KIAA1671: variants seen among roughly 807,000 people sequenced by gnomAD.
KIAA1671 encodes KIAA1671.
KIAA1671 carries 52 observed loss-of-function variants against 131.2 expected under a neutral mutation model. The ratio of observed to expected loss-of-function variants is 0.40; its 90% CI spans 0.32 to 0.50. KIAA1671 has a LOEUF of 0.50. Among genes scored for constraint, KIAA1671 ranks in the 20% least tolerant of loss-of-function variants. The pLI, the probability that KIAA1671 is intolerant of heterozygous loss-of-function variation, is 0.73. For synonymous variants in KIAA1671, 1,003 were observed against 961.6 expected (o/e 1.04, Z -0.80); for missense variants, 2,360 against 2,364.2 (o/e 1.00, Z 0.04).
intron 1 of KIAA1671, among the ~76,000 whole-genome samples, chr22:24,965,108 A>C (rs1023749033): frequency 6.6e-5 from 10 of 151,878 alleles, no homozygotes; most frequent in African/African-American, 1.7e-4. Flanking sequence ...TCTTAAAAAA[A>C]AAAAAAAAAA....
chr22:25,093,842 C>G (rs867857984), intron 6 of KIAA1671, among the ~76,000 whole-genome samples: 78 of 64,106 alleles, frequency 1.2e-3, no homozygotes, highest in South Asian at 0.011. Flanking sequence ...CTGTCTGTCT[C>G]TCTCTCTCTC....
In KIAA1671 at chr22:25,040,548, C is replaced by A. The variant is rs1926858770; in HGVS notation, c.3418C>A (p.Pro1140Thr). Residue 1140 changes from proline (P) to threonine (T), a missense_variant, in exon 5 of 13, where the codon CCT (proline) becomes ACT (threonine). Coordinates refer to ENST00000358431, the MANE Select transcript of KIAA1671 (RefSeq NM_001145206.2). ...GAGTCATCGGGGATCAGAAGATGGC[C>A]CTCGTCCTCAAAGCAATTGGAAGGA... is the stretch of plus-strand genomic sequence containing the variant. Reference protein sequence around the residue: ...LWSHRGSEDGPRPQSNWKESA... With the variant: ...LWSHRGSEDGTRPQSNWKESA... 1 of 1,551,580 alleles carries A rather than the reference C, an allele frequency of 6.4e-7. No individual in the cohort carries two copies.
At chr22:25,021,804 T>G (rs7286055) in intron 1 of KIAA1671, among the ~76,000 whole-genome samples, 3,643 of 151,510 alleles carry the variant, frequency 0.024, 144 homozygotes, top group African/African-American at 0.074. Flanking sequence ...ATTTTTTTTT[T>G]GGGATGGAGT....
chr22:25,056,200 C>T (rs1220083617), intron 6 of KIAA1671: 1 of 148,960 alleles, frequency 6.7e-6, no homozygotes, highest in East Asian at 2.0e-4. Flanking sequence ...GGATATTAAT[C>T]CCATATCAGA....
chr22:24,967,548 T>G (rs984380271), intron 1 of KIAA1671, among the ~76,000 whole-genome samples: 2 of 152,244 alleles, frequency 1.3e-5, no homozygotes, highest in African/African-American at 4.8e-5. Context: ...GCACTGGGCC[T>G]TGGGCCTCAG....
intron 1 of KIAA1671, among the ~76,000 whole-genome samples, chr22:24,957,751 T>A (rs1921791194): frequency 6.8e-6 from 1 of 147,532 alleles, no homozygotes; most frequent in African/African-American, 2.6e-5. Context: ...GATCTCGGCT[T>A]ACTGCAGCCT....
chr22:24,984,912 C>CAAAAAAAA (rs60969204), intron 1 of KIAA1671, among the ~76,000 whole-genome samples: 4 of 54,416 alleles, frequency 7.4e-5, no homozygotes, highest in Admixed American at 2.5e-4. Flanking sequence ...GACTACGTCT[C>CAAAAAAAA]AAAAAAAAAA....
At position 25,029,089 on chromosome 22, in the gene KIAA1671, A is replaced by G; in HGVS notation, c.1090A>G (p.Met364Val). The G allele has an allele frequency of 2.0e-6, 3 of 1,493,658 alleles. No individual in the cohort carries two copies. The highest frequency in any genetic ancestry group is 1.4e-5 in the South Asian group (1 of 73,588). The allele number at this position is 1,493,658 out of a possible 1,614,324, so 92.5% of individuals were successfully genotyped here. The change falls in exon 3 of 13, where the codon ATG becomes GTG. Residue 364 changes from methionine (M) to valine (V), a missense_variant. Transcript: ENST00000358431. Reference sequence around the variant, plus strand: ...GGAGAAGATGCTTTCGAAGCCGGAGATGGGCAGCCCCAGAGCCCTGGTGGG... The same window carrying G: ...GGAGAAGATGCTTTCGAAGCCGGAGGTGGGCAGCCCCAGAGCCCTGGTGGG... ...RKEKMLSKPE[M>V]GSPRALVGGS...
chr22:25,166,957 C>T (rs926089277), intron 6 of KIAA1671, among the ~76,000 whole-genome samples: 34 of 152,208 alleles, frequency 2.2e-4, no homozygotes, highest in South Asian at 2.1e-4. Flanking sequence ...TTGTCCTCCA[C>T]CAGAAACAAC....
intron 6 of KIAA1671, among the ~76,000 whole-genome samples, chr22:25,068,295 G>A (rs944629562): frequency 6.6e-6 from 1 of 151,744 alleles, no homozygotes; most frequent in African/African-American, 2.4e-5. Flanking sequence ...TTGTCAGGCA[G>A]CGAGCAGCTG....
chr22:25,110,806 T>A (rs765886010), intron 6 of KIAA1671, among the ~76,000 whole-genome samples: 1 of 152,116 alleles, frequency 6.6e-6, no homozygotes, highest in Non-Finnish European at 1.5e-5. Flanking sequence ...CGTGACCTAG[T>A]GTAAACCATG....
rs150627991 is a variant in KIAA1671 at position 25,100,505 on chromosome 22, C to T, written c.4530+51141C>T. Among the ~76,000 whole-genome samples the T allele has an allele frequency of 1.0e-3, 159 of 152,218 alleles. 2 individuals carry two copies. The highest frequency in any genetic ancestry group is 3.6e-3 in the African/African-American group (150 of 41,550). The stretch of plus-strand genomic sequence containing the variant: ...GGGTATTCACAGGGGCAGGGTAGCC[C>T]GGTGGTTAAGGGCCCAGGCTTTGAG... On this transcript the variant is annotated intron_variant, in intron 6 of 12. Transcript: ENST00000358431.
chr22:25,130,593 A>C (rs1287023423), intron 6 of KIAA1671, among the ~76,000 whole-genome samples: 2 of 152,354 alleles, frequency 1.3e-5, no homozygotes, highest in Non-Finnish European at 2.9e-5. Context: ...TAAAAAAAGA[A>C]GTCCCATCCT....
rs142912048 is a variant in KIAA1671 at position 25,111,850 on chromosome 22, CTCGGCCGA to C, written c.4531-58967_4531-58960del. On this transcript the variant is annotated intron_variant, in intron 6 of 12. Coordinates refer to ENST00000358431, the MANE Select transcript of KIAA1671 (RefSeq NM_001145206.2). ...CGGCTTGTTCCTCAAAGCTCCTTGT[CTCGGCCGA>C]TCAGCTGGGTGAGCCCTGGAACTGG... 191 of 157,736 alleles carry C rather than the reference CTCGGCCGA, an allele frequency of 1.2e-3. 1 individual carries two copies. The highest frequency in any genetic ancestry group is 4.5e-3 in the African/African-American group (186 of 41,600). 9.8% of individuals were successfully genotyped at this position (157,736 alleles called of 1,614,324 possible).
At chr22:25,023,359 T>C (rs1411495615) in intron 1 of KIAA1671, 1 of 152,136 alleles carries the variant, frequency 6.6e-6, no homozygotes, top group Non-Finnish European at 1.5e-5. Flanking sequence ...AAAGTGAGAC[T>C]GTCTAAAAAT....
At chr22:24,989,489 A>C (rs912107180) in intron 1 of KIAA1671, among the ~76,000 whole-genome samples, 9 of 151,930 alleles carry the variant, frequency 5.9e-5, no homozygotes, top group Admixed American at 2.0e-4. Context: ...GCCCTGGTCA[A>C]CTCTGAGCTC....
chr22:25,093,737 A>ACTCTCTCTCTCTCT lies in KIAA1671; in HGVS notation c.4530+44390_4530+44403dup, dbSNP rs1326086246. On this transcript the variant is annotated intron_variant, in intron 6 of 12. Coordinates refer to ENST00000358431, the MANE Select transcript of KIAA1671 (RefSeq NM_001145206.2). ...CACACACACACACACACACACACAC[A>ACTCTCTCTCTCTCT]CTCTCTCTCTCTCTCTCTCTCTCTC... Among the ~76,000 whole-genome samples, 8 of 30,140 alleles carry ACTCTCTCTCTCTCT rather than the reference A, an allele frequency of 2.7e-4. 1 individual carries two copies. The highest frequency in any genetic ancestry group is 5.2e-4 in the Non-Finnish European group (8 of 15,352). 19.8% of individuals were successfully genotyped at this position (30,140 alleles called of 152,430 possible). A position where few individuals can be genotyped will look rare whatever the true frequency, so the allele number is the denominator to read the frequency against.
rs377368958 is a variant in KIAA1671, at chr22:25,019,050, T to TTGTGTGTGTGTG, written c.-207-6551_-207-6540dup. 4.3e-3 allele frequency among the ~76,000 whole-genome samples: 616 copies of TTGTGTGTGTGTG among 144,204 alleles called. 8 individuals carry two copies. The highest frequency in any genetic ancestry group is 0.015 in the African/African-American group (565 of 38,302). The allele number at this position is 144,204 out of a possible 152,430, so 94.6% of individuals were successfully genotyped here. Reference sequence around the variant, plus strand: ...CTTCACATCCTCTCCAATAGTTGTTTTGTGTGTGTGTGTGTGTGTGTGTGT... The same window carrying TTGTGTGTGTGTG: ...CTTCACATCCTCTCCAATAGTTGTTTTGTGTGTGTGTGTGTGTGTGTGTGTGTGTGTGTGTGT... On this transcript the variant is annotated intron_variant, in intron 1 of 12. Transcript: ENST00000358431.
chr22:25,160,330 G>A (rs190439661), intron 6 of KIAA1671, among the ~76,000 whole-genome samples: 28 of 152,292 alleles, frequency 1.8e-4, no homozygotes, highest in African/African-American at 5.3e-4. Flanking sequence ...CCACAGAGCC[G>A]CAGCCCAGGT....
Sources: gnomAD v4.1 joint callset for allele counts (sites outside exome capture counted in the v4.1 genomes callset) on GRCh38, gnomAD v4.1.1 for gene constraint, MANE v1.5 for transcripts, NCBI Gene and HGNC (gene_info 2026-07-23, HGNC 2026-07-21) for gene names.